Variants in NAPG observed in about 807,000 individuals in gnomAD.
NAPG encodes the protein gamma-soluble NSF attachment protein.
NAPG carries 25 observed loss-of-function variants against 48.4 expected under a neutral mutation model. That is an observed-to-expected ratio of 0.52 (90% CI 0.38 to 0.72). NAPG has a LOEUF of 0.72. Ranked by LOEUF, NAPG falls within the 30% of genes least tolerant of loss-of-function variation. NAPG has a pLI of 0.00. For synonymous variants in NAPG, 139 were observed against 127.2 expected (o/e 1.09, Z -0.62); for missense variants, 359 against 372.5 (o/e 0.96, Z 0.30).
intron 11 of NAPG, 62 bp from the exon 12 acceptor site, chr18:10,550,015 T>C: frequency 6.9e-7 from 1 of 1,455,722 alleles, no homozygotes. Flanking sequence ...TTTTTAGAGC[T>C]GAGTAAAACA....
chr18:10,544,345 C>G lies in NAPG; in HGVS notation c.507-1981C>G, dbSNP rs1471673793. On this transcript the variant is annotated intron_variant, in intron 8 of 11. Coordinates refer to ENST00000322897, the MANE Select transcript of NAPG (RefSeq NM_003826.3). This position sits in a 1 kb window ranked among gnomAD's most constrained non-coding sequence, Gnocchi z 5.1. The stretch of plus-strand genomic sequence containing the variant: ...CTAGGTAGCAGAGCTAGGGTCTCAC[C>G]AGGCCGAAATGAAGGTGTCGGAGGG... Among the ~76,000 whole-genome samples, 1 of 152,184 alleles carries G rather than the reference C, an allele frequency of 6.6e-6. No homozygotes were observed. The highest frequency in any genetic ancestry group is 2.4e-5 in the African/African-American group (1 of 41,434).
At chr18:10,526,615 G>A (rs1281152270) in intron 1 of NAPG, 1 of 162,970 alleles carries the variant, frequency 6.1e-6, no homozygotes, top group Admixed American at 6.3e-5. Flanking sequence ...GAGAACCACC[G>A]CCCTAGAAGA....
intron 1 of NAPG, among the ~76,000 whole-genome samples, chr18:10,529,422 A>T (rs2031883936): frequency 6.6e-6 from 1 of 152,208 alleles, no homozygotes; most frequent in Non-Finnish European, 1.5e-5. Flanking sequence ...CAAGTTTTAG[A>T]TGCTAAATAT....
At position 10,548,503 on chromosome 18, in the gene NAPG, T is replaced by A; in HGVS notation, c.665+125T>A. On this transcript the variant is annotated intron_variant, in intron 10 of 11. Coordinates refer to ENST00000322897, the MANE Select transcript of NAPG (RefSeq NM_003826.3). The surrounding 1 kb of genome is among the most constrained non-coding windows in gnomAD (Gnocchi z 4.4). ...CATTTCTAAATCTTAGGAGTGCTCA[T>A]CTACCATTTCATCTTTTACAGTGGG... 1.4e-6 allele frequency: 1 copy of A among 721,414 alleles called. No individual in the cohort carries two copies. The highest frequency in any genetic ancestry group is 2.3e-6 in the Non-Finnish European group (1 of 441,674). 44.7% of individuals were successfully genotyped at this position (721,414 alleles called of 1,614,324 possible).
At chr18:10,536,151 A>G (rs1469144654) in intron 5 of NAPG, among the ~76,000 whole-genome samples, 1 of 152,196 alleles carries the variant, frequency 6.6e-6, no homozygotes, top group Non-Finnish European at 1.5e-5. Flanking sequence ...CATCATTTCC[A>G]TTGCTCAAGT....
Position 10,551,330 on chromosome 18 carries a change from T to C in NAPG, c.*1110T>C, listed in dbSNP as rs1050648103. On this transcript the variant is annotated 3_prime_UTR_variant, in exon 12 of 12. Coordinates refer to ENST00000322897, the MANE Select transcript of NAPG (RefSeq NM_003826.3). ...TCCCTCCAAAACAGTTTATTTTGAT[T>C]GTTTATTTTATTTTGATTGTAACTC... The C allele has an allele frequency of 6.6e-6, 1 of 152,194 alleles. No homozygotes were observed. Among genetic ancestry groups the C allele is most frequent in the Non-Finnish European group, 1.5e-5 (1 of 68,034 alleles). 9.4% of individuals were successfully genotyped at this position (152,194 alleles called of 1,614,324 possible).
rs145615565 is a variant in NAPG at position 10,544,384 on chromosome 18, G to A, written c.507-1942G>A. Among the ~76,000 whole-genome samples, 5 of 152,290 alleles carry A rather than the reference G, an allele frequency of 3.3e-5. No individual in the cohort carries two copies. The highest frequency in any genetic ancestry group is 3.9e-4 in the East Asian group (2 of 5,186). On this transcript the variant is annotated intron_variant, in intron 8 of 11. Coordinates refer to ENST00000322897, the MANE Select transcript of NAPG (RefSeq NM_003826.3). The surrounding 1 kb of genome is among the most constrained non-coding windows in gnomAD (Gnocchi z 5.1). ...GGTGTCGGAGGGGGCTGATCTCACCGGAGGCTTGGGTCCTTTTCCAAGCTC... is the reference window on the plus strand; with the variant it reads ...GGTGTCGGAGGGGGCTGATCTCACCAGAGGCTTGGGTCCTTTTCCAAGCTC...
At chr18:10,541,570 G>A (rs1247787834) in intron 8 of NAPG, among the ~76,000 whole-genome samples, 1 of 152,140 alleles carries the variant, frequency 6.6e-6, no homozygotes, top group Non-Finnish European at 1.5e-5. Context: ...TGACTTGTGA[G>A]CAGGGGCCCC....
rs2032201550 is a variant in NAPG, at chr18:10,543,592, G to A, written c.507-2734G>A. Reference sequence around the variant, plus strand: ...TGGGGCCAGAGGAACAGTTTGAGTTGTGGTGTAGAAGGTGTCTGTTGAAAG... The same window carrying A: ...TGGGGCCAGAGGAACAGTTTGAGTTATGGTGTAGAAGGTGTCTGTTGAAAG... On this transcript the variant is annotated intron_variant, in intron 8 of 11. Coordinates refer to ENST00000322897, the MANE Select transcript of NAPG (RefSeq NM_003826.3). This position sits in a 1 kb window ranked among gnomAD's most constrained non-coding sequence, Gnocchi z 4.4. Among the ~76,000 whole-genome samples the A allele has an allele frequency of 6.6e-6, 1 of 152,246 alleles. No individual in the cohort carries two copies. The highest frequency in any genetic ancestry group is 1.5e-5 in the Non-Finnish European group (1 of 68,040).
chr18:10,549,547 A>G (rs12454136), intron 11 of NAPG, among the ~76,000 whole-genome samples: 3 of 152,230 alleles, frequency 2.0e-5, no homozygotes, highest in Non-Finnish European at 1.5e-5. Flanking sequence ...TTCATTTGTA[A>G]AAATGAAGCC....
At chr18:10,530,295 A>G (rs1408341534) in intron 1 of NAPG, among the ~76,000 whole-genome samples, 1 of 142,276 alleles carries the variant, frequency 7.0e-6, no homozygotes, top group Admixed American at 7.6e-5. Context: ...TCACTAGGGG[A>G]TCTGATCTCA....
chr18:10,529,865 C>T (rs1433632210), intron 1 of NAPG, among the ~76,000 whole-genome samples: 1 of 152,192 alleles, frequency 6.6e-6, no homozygotes, highest in Non-Finnish European at 1.5e-5. Context: ...AGATACTCCC[C>T]TGAGTCATTT....
Position 10,534,835 on chromosome 18 carries a change from T to C in NAPG, c.258+339T>C, listed in dbSNP as rs2031999710. Reference sequence around the variant, plus strand: ...AGGACATCTAAATGTAGTAAAATTTTATAAATATTAAAAAATTATCATACA... The same window carrying C: ...AGGACATCTAAATGTAGTAAAATTTCATAAATATTAAAAAATTATCATACA... On this transcript the variant is annotated intron_variant, in intron 5 of 11. Transcript: ENST00000322897. This position sits in a 1 kb window ranked among gnomAD's most constrained non-coding sequence, Gnocchi z 5.0. Among the ~76,000 whole-genome samples the C allele has an allele frequency of 6.6e-6, 1 of 152,248 alleles. No homozygotes were observed. Among genetic ancestry groups the C allele is most frequent in the Non-Finnish European group, 1.5e-5 (1 of 68,036 alleles).
chr18:10,540,190 G>A, intron 7 of NAPG, 136 bp downstream of exon 7: 1 of 1,049,994 alleles, frequency 9.5e-7, no homozygotes, highest in Non-Finnish European at 1.4e-6. Flanking sequence ...TTTTCTGTTA[G>A]AGAGTAGTGA....
Position 10,526,038 on chromosome 18 carries a change from G to A in NAPG, c.-65G>A. 6.6e-7 allele frequency: 1 copy of A among 1,520,226 alleles called. No homozygotes were observed. The highest frequency in any genetic ancestry group is 9.1e-7 in the Non-Finnish European group (1 of 1,096,816). The allele number at this position is 1,520,226 out of a possible 1,614,324, so 94.2% of individuals were successfully genotyped here. On this transcript the variant is annotated 5_prime_UTR_variant, in exon 1 of 12. Transcript: ENST00000322897. ...CGGCGTTCCCACGCCTATTTGGGCG[G>A]ATTCTTGGCGCCGGAGGAAGAGGCA...
intron 9 of NAPG, among the ~76,000 whole-genome samples, chr18:10,547,878 T>G (rs974429868): frequency 1.3e-5 from 2 of 152,206 alleles, no homozygotes; most frequent in African/African-American, 4.8e-5. Context: ...AGTTTCTTTT[T>G]AAGGATTCTA....
chr18:10,543,773 C>T lies in NAPG; in HGVS notation c.507-2553C>T, dbSNP rs1275443860. Among the ~76,000 whole-genome samples the T allele has an allele frequency of 6.6e-6, 1 of 152,116 alleles. No individual in the cohort carries two copies. The highest frequency in any genetic ancestry group is 1.5e-5 in the Non-Finnish European group (1 of 68,010). On this transcript the variant is annotated intron_variant, in intron 8 of 11. Transcript: ENST00000322897. This position sits in a 1 kb window ranked among gnomAD's most constrained non-coding sequence, Gnocchi z 4.4. ...ATTTTGTTAGGAATATTAAGTATTACCTGATGGAAAAGTTGAAAGCATCTG... is the reference window on the plus strand; with the variant it reads ...ATTTTGTTAGGAATATTAAGTATTATCTGATGGAAAAGTTGAAAGCATCTG...
At chr18:10,547,022 A>G (rs1448002239) in intron 9 of NAPG, among the ~76,000 whole-genome samples, 1 of 152,182 alleles carries the variant, frequency 6.6e-6, no homozygotes, top group Non-Finnish European at 1.5e-5. Context: ...GAGAGCTGGA[A>G]ACGGAGTCCC....
At position 10,539,692 on chromosome 18, in the gene NAPG, C is replaced by T; in HGVS notation, c.259-70C>T. On this transcript the variant is annotated intron_variant, in intron 5 of 11. Coordinates refer to ENST00000322897, the MANE Select transcript of NAPG (RefSeq NM_003826.3). This position sits in a 1 kb window ranked among gnomAD's most constrained non-coding sequence, Gnocchi z 4.7. ...CTTAAAATAAAAAATAATTGCATTT[C>T]AGATTGTTAACTCTGTTTTTCTTTA... The T allele has an allele frequency of 1.6e-6, 2 of 1,231,462 alleles. No individual in the cohort carries two copies. The highest frequency in any genetic ancestry group is 2.4e-6 in the Non-Finnish European group (2 of 845,548). The allele number at this position is 1,231,462 out of a possible 1,614,324, so 76.3% of individuals were successfully genotyped here.
Sources: gnomAD v4.1 joint callset for allele counts (sites outside exome capture counted in the v4.1 genomes callset) on GRCh38, gnomAD v4.1.1 for gene constraint, Gnocchi (gnomAD v3.1) non-coding constraint, MANE v1.5 for transcripts, NCBI Gene and HGNC (gene_info 2026-07-23, HGNC 2026-07-21) for gene names.